The following ADAM22 variants were observed in gnomAD, a reference collection of about 807,000 sequenced individuals.
The protein encoded by ADAM22 is disintegrin and metalloproteinase domain-containing protein 22.
Under a neutral mutation model 144.6 loss-of-function variants are expected in ADAM22, and 65 were observed. The observed-to-expected ratio is 0.45, with a 90% CI of 0.37 to 0.55. ADAM22 has a LOEUF of 0.55. ADAM22 is among the 20% of genes least tolerant of loss of function. ADAM22 has a pLI of 0.00. For synonymous variants in ADAM22, 391 were observed against 412.6 expected, an observed-to-expected ratio of 0.95 and a Z score of 0.63; for missense variants, 974 against 1,184.9, an observed-to-expected ratio of 0.82 and a Z score of 2.61.
chr7:88,092,545 C>T (rs1042073913), intron 4 of ADAM22, among the ~76,000 whole-genome samples: 6 of 152,224 alleles, frequency 3.9e-5, no homozygotes, highest in African/African-American at 1.4e-4. Flanking sequence ...CATTTCCCCC[C>T]TGGCAGGCTT....
chr7:88,051,340 G>T (rs1806282577), intron 3 of ADAM22, among the ~76,000 whole-genome samples: 1 of 152,114 alleles, frequency 6.6e-6, no homozygotes, highest in Non-Finnish European at 1.5e-5. Context: ...AGAAAATGTG[G>T]CACATATACA....
At chr7:88,008,552 A>C (rs976134806) in intron 3 of ADAM22, among the ~76,000 whole-genome samples, 4 of 152,162 alleles carry the variant, frequency 2.6e-5, no homozygotes, top group Admixed American at 2.0e-4. Flanking sequence ...CATATACATC[A>C]TGGAATACTA....
intron 4 of ADAM22, among the ~76,000 whole-genome samples, chr7:88,099,503 A>G (rs191881552): frequency 6.6e-6 from 1 of 152,238 alleles, no homozygotes; most frequent in Non-Finnish European, 1.5e-5. Flanking sequence ...CTTTGCTTTG[A>G]AGGGAGATTG....
At chr7:87,959,222 A>G (rs1034835029) in intron 2 of ADAM22, among the ~76,000 whole-genome samples, 1 of 152,174 alleles carries the variant, frequency 6.6e-6, no homozygotes, top group African/African-American at 2.4e-5. Flanking sequence ...CTTGGCAAAC[A>G]CTTAACTTCT....
At chr7:88,088,158 A>G (rs1365426295) in intron 4 of ADAM22, among the ~76,000 whole-genome samples, 1 of 152,182 alleles carries the variant, frequency 6.6e-6, no homozygotes, top group Admixed American at 6.5e-5. Context: ...TCAATGACAT[A>G]AAAGTTATAT....
At chr7:88,039,482 T>TATATATATATATATATATATATAC (rs1802543661) in intron 3 of ADAM22, among the ~76,000 whole-genome samples, 1 of 113,548 alleles carries the variant, frequency 8.8e-6, no homozygotes, top group Non-Finnish European at 2.0e-5. Context: ...TATATATATA[T>TATATATATATATATATATATATAC]ATACATTTCA....
intron 3 of ADAM22, among the ~76,000 whole-genome samples, chr7:87,981,928 T>C (rs564194030): frequency 2.0e-5 from 3 of 152,124 alleles, no homozygotes; most frequent in Non-Finnish European, 4.4e-5. Context: ...CTGAATGCCT[T>C]GCTGTTCAAC....
intron 20 of ADAM22, 145 bp from the exon 21 acceptor site, chr7:88,153,076 T>G: frequency 1.8e-6 from 1 of 569,114 alleles, no homozygotes; most frequent in Non-Finnish European, 3.1e-6. Context: ...ATGGTAAAAC[T>G]GTGAACCGTT....
chr7:88,091,306 T>TA (rs1228801090), intron 4 of ADAM22, among the ~76,000 whole-genome samples: 1 of 152,180 alleles, frequency 6.6e-6, no homozygotes, highest in African/African-American at 2.4e-5. Flanking sequence ...TTAATGGAAT[T>TA]AAAAAATATA....
chr7:87,954,142 A>G (rs927759549), intron 2 of ADAM22, among the ~76,000 whole-genome samples: 2 of 151,630 alleles, frequency 1.3e-5, no homozygotes, highest in African/African-American at 4.9e-5. Context: ...GTCCATTTAC[A>G]TTTAAAGTTA....
intron 2 of ADAM22, among the ~76,000 whole-genome samples, chr7:87,974,599 A>G (rs1428178067): frequency 3.3e-5 from 5 of 152,194 alleles, no homozygotes; most frequent in Non-Finnish European, 5.9e-5. Flanking sequence ...ATACTGGTGC[A>G]ATGAACTCAT....
Position 88,045,855 on chromosome 7 carries a change from A to G in ADAM22, c.324-29771A>G, listed in dbSNP as rs10240974. ...CATTCGTGTTGTTGCAAATGACAGG[A>G]TTTCCTTCATTTTAAGGCTGAGTCG... On this transcript the variant is annotated intron_variant, in intron 3 of 31. Transcript: ENST00000413139. Among the ~76,000 whole-genome samples the G allele has an allele frequency of 8.7e-3, 1,262 of 144,856 alleles. 20 individuals carry two copies. Among genetic ancestry groups the G allele is most frequent in the African/African-American group, 0.031 (1,212 of 38,898 alleles).
chr7:87,949,723 A>G (rs1844578422), intron 2 of ADAM22, among the ~76,000 whole-genome samples: 1 of 151,510 alleles, frequency 6.6e-6, no homozygotes, highest in East Asian at 1.9e-4. Context: ...TAAGCCCCAG[A>G]TATTTTGTCT....
intron 3 of ADAM22, among the ~76,000 whole-genome samples, chr7:88,047,327 T>C (rs1424009910): frequency 6.6e-6 from 1 of 152,228 alleles, no homozygotes; most frequent in Admixed American, 6.5e-5. Context: ...CCTCTATGCC[T>C]CTTTACAAAC....
intron 3 of ADAM22, among the ~76,000 whole-genome samples, chr7:87,982,701 T>TATATAAA (rs1554373733): frequency 3.0e-5 from 1 of 33,802 alleles, no homozygotes; most frequent in Non-Finnish European, 5.1e-5. Flanking sequence ...ATATATATAA[T>TATATAAA]TTTTTTTTTT....
At chr7:88,026,339 G>T (rs1453697503) in intron 3 of ADAM22, among the ~76,000 whole-genome samples, 2 of 152,122 alleles carry the variant, frequency 1.3e-5, no homozygotes, top group Non-Finnish European at 2.9e-5. Flanking sequence ...GAAGGGAGAG[G>T]TGCCACATAC....
At chr7:88,050,397 C>CA (rs1436334341) in intron 3 of ADAM22, among the ~76,000 whole-genome samples, 2 of 106,612 alleles carry the variant, frequency 1.9e-5, no homozygotes, top group East Asian at 2.9e-4. Context: ...GACCCTGTCT[C>CA]AAAAAAACAA....
chr7:88,007,058 A>G (rs1227599806), intron 3 of ADAM22, among the ~76,000 whole-genome samples: 1 of 152,238 alleles, frequency 6.6e-6, no homozygotes, highest in Non-Finnish European at 1.5e-5. Context: ...GCAAAGTCTC[A>G]GTATACAAAA....
Position 88,023,877 on chromosome 7 carries a change from CTCTCTA to C in ADAM22, c.323+45473_323+45478del, listed in dbSNP as rs754113207. 1.0e-3 allele frequency among the ~76,000 whole-genome samples: 152 copies of C among 151,512 alleles called. 1 individual carries two copies. Among genetic ancestry groups the C allele is most frequent in the Non-Finnish European group, 1.7e-3 (115 of 67,824 alleles). On this transcript the variant is annotated intron_variant, in intron 3 of 31. Transcript: ENST00000413139. ...CCAGCCTCTGGTAACCATTATTCTG[CTCTCTA>C]TCTCTATGAGTTAAATTGTTTTAAT...
Sources: allele counts gnomAD v4.1 joint callset (sites outside exome capture counted in the v4.1 genomes callset), GRCh38; gene constraint gnomAD v4.1.1; transcripts MANE v1.5; gene names NCBI Gene and HGNC (gene_info 2026-07-23, HGNC 2026-07-21).